The following MAD1L1 variants were observed in gnomAD, a reference collection of about 807,000 sequenced individuals.
MAD1L1 encodes the protein mitotic arrest deficient 1 like 1.
MAD1L1 carries 95 observed loss-of-function variants against 96.9 expected under a neutral mutation model. The observed-to-expected ratio is 0.98, with a 90% confidence interval of 0.83 to 1.16. The LOEUF is 1.16. Among genes scored for constraint, MAD1L1 ranks in the 50% most tolerant of loss-of-function variants. The pLI is 0.00. For missense variants in MAD1L1, 1,007 were observed against 954.4 expected (o/e 1.06, Z -0.73); for synonymous variants, 473 against 396.6 (o/e 1.19, Z -2.29).
intron 13 of MAD1L1, among the ~76,000 whole-genome samples, chr7:2,009,112 G>A (rs558168383): frequency 6.6e-6 from 1 of 152,332 alleles, no homozygotes; most frequent in Non-Finnish European, 1.5e-5. Flanking sequence ...TTTCCGGGTG[G>A]GACCACGTGT....
intron 11 of MAD1L1, among the ~76,000 whole-genome samples, chr7:2,071,934 C>T (rs1234899847): frequency 1.3e-5 from 2 of 152,246 alleles, no homozygotes; most frequent in South Asian, 2.1e-4. Context: ...CTGCACCCTT[C>T]CCCCACATCT....
intron 11 of MAD1L1, among the ~76,000 whole-genome samples, chr7:2,118,035 A>G (rs776432735): frequency 6.6e-5 from 10 of 152,186 alleles, no homozygotes; most frequent in African/African-American, 1.2e-4. Context: ...GCAGGACAGG[A>G]GAGGATCAGG....
intron 13 of MAD1L1, among the ~76,000 whole-genome samples, chr7:2,003,843 C>T (rs1781911959): frequency 6.6e-6 from 1 of 152,200 alleles, no homozygotes; most frequent in Non-Finnish European, 1.5e-5. Flanking sequence ...AAGCTTGGTG[C>T]CTCGAGGCCT....
intron 11 of MAD1L1, among the ~76,000 whole-genome samples, chr7:2,077,913 C>T (rs1785455494): frequency 6.6e-6 from 1 of 152,234 alleles, no homozygotes; most frequent in Non-Finnish European, 1.5e-5. Flanking sequence ...TCGCAGCAGC[C>T]TGGATCTAGA....
At chr7:2,130,625 T>C (rs1388090184) in intron 11 of MAD1L1, among the ~76,000 whole-genome samples, 1 of 146,852 alleles carries the variant, frequency 6.8e-6, no homozygotes, top group Non-Finnish European at 1.5e-5. Context: ...TCTCAGTTTA[T>C]TATGCCAGGG....
chr7:2,166,546 G>A (rs775306507), intron 10 of MAD1L1, among the ~76,000 whole-genome samples: 9 of 152,194 alleles, frequency 5.9e-5, no homozygotes, highest in Non-Finnish European at 1.2e-4. Context: ...CTCACTCTTT[G>A]GAAAAGCTGA....
intron 11 of MAD1L1, among the ~76,000 whole-genome samples, chr7:2,109,915 C>T (rs7809796): frequency 0.027 from 4,069 of 152,312 alleles, 92 homozygotes; most frequent in Middle Eastern, 0.11. Context: ...TGAGAGTTGG[C>T]GACAATATCC....
chr7:1,929,718 G>GCCCCGTCC (rs201388728), intron 17 of MAD1L1, among the ~76,000 whole-genome samples: 1 of 97,612 alleles, frequency 1.0e-5, no homozygotes, highest in Admixed American at 1.1e-4. Flanking sequence ...ACGTCCCCTC[G>GCCCCGTCC]CCCATCCCCC....
At chr7:1,899,775 C>T (rs953206477) in intron 17 of MAD1L1, among the ~76,000 whole-genome samples, 33 of 152,170 alleles carry the variant, frequency 2.2e-4, no homozygotes, top group African/African-American at 8.0e-4. Context: ...AGTTTGTGCA[C>T]AGCGGCCCGA....
intron 18 of MAD1L1, among the ~76,000 whole-genome samples, chr7:1,851,936 GGT>G (rs1783999963): frequency 6.6e-6 from 1 of 152,198 alleles, no homozygotes; most frequent in Non-Finnish European, 1.5e-5. Context: ...TGGGACCAAT[GGT>G]GGGAAGAGCT....
intron 11 of MAD1L1, among the ~76,000 whole-genome samples, chr7:2,104,359 A>G (rs1786974106): frequency 6.6e-6 from 1 of 152,262 alleles, no homozygotes; most frequent in South Asian, 2.1e-4. Flanking sequence ...TCCGCGAAGG[A>G]GAGCCGTCAC....
At chr7:1,948,823 G>A (rs963340368) in intron 16 of MAD1L1, among the ~76,000 whole-genome samples, 2 of 152,168 alleles carry the variant, frequency 1.3e-5, no homozygotes, top group African/African-American at 4.8e-5. Flanking sequence ...GGCTCCAGGG[G>A]CTGTGCCTGT....
chr7:2,073,235 G>C (rs1255999041), intron 11 of MAD1L1, among the ~76,000 whole-genome samples: 2 of 152,192 alleles, frequency 1.3e-5, no homozygotes, highest in Admixed American at 1.3e-4. Flanking sequence ...CTAGCTTTTA[G>C]AGTACTGAGA....
chr7:1,994,309 G>A (rs757453153), intron 14 of MAD1L1, among the ~76,000 whole-genome samples: 11 of 152,242 alleles, frequency 7.2e-5, no homozygotes, highest in Non-Finnish European at 1.0e-4. Context: ...GCGTGTCTGC[G>A]ATGCAGGGGC....
Position 1,936,827 on chromosome 7 carries a change from C to G in MAD1L1, c.1667G>C (p.Arg556Pro), listed in dbSNP as rs755012008. 1 of 1,603,680 alleles carries G rather than the reference C, an allele frequency of 6.2e-7. No individual in the cohort carries two copies. Among genetic ancestry groups the G allele is most frequent in the African/African-American group, 1.3e-5 (1 of 74,984 alleles). ...SLNPTSVARQ[R>P]LREDHSQLQA... is the part of the protein sequence containing the mutation. ...CAGCTGGCTGTGGTCCTCGCGCAGG[C>G]GCTGCCTGGCCACACTGGTGGGGTT... The change falls in exon 17 of 19, where the codon CGC (arginine) becomes CCC (proline). Residue 556 changes from arginine (R) to proline (P), a missense_variant. Physicochemically the swap from Arg to Pro is moderately radical, Grantham distance 103 (BLOSUM62 -2). Transcript: ENST00000265854.
At chr7:1,853,979 G>A (rs1201789786) in intron 18 of MAD1L1, among the ~76,000 whole-genome samples, 1 of 152,196 alleles carries the variant, frequency 6.6e-6, no homozygotes, top group Admixed American at 6.5e-5. Flanking sequence ...TCCTGCTGCC[G>A]CCAGCTCCCG....
At chr7:1,885,777 C>T (rs900462026) in intron 18 of MAD1L1, among the ~76,000 whole-genome samples, 3 of 152,198 alleles carry the variant, frequency 2.0e-5, no homozygotes, top group African/African-American at 7.2e-5. Flanking sequence ...AGAGCCTCTC[C>T]CTGTCTCGGC....
chr7:1,888,168 A>ATGCATGTATGTG (rs1562492559), intron 18 of MAD1L1, among the ~76,000 whole-genome samples: 1 of 134,064 alleles, frequency 7.5e-6, no homozygotes, highest in Non-Finnish European at 1.6e-5. Context: ...GCATGTGTGC[A>ATGCATGTATGTG]GCTGCCTGTG....
intron 11 of MAD1L1, among the ~76,000 whole-genome samples, chr7:2,130,525 C>G (rs559573311): frequency 3.3e-5 from 5 of 152,322 alleles, no homozygotes; most frequent in African/African-American, 1.2e-4. Flanking sequence ...CTCTCTCTCT[C>G]TGGGACCCCA....
Sources: allele counts gnomAD v4.1 joint callset (sites outside exome capture counted in the v4.1 genomes callset), GRCh38; gene constraint gnomAD v4.1.1; transcripts MANE v1.5; gene names NCBI Gene and HGNC (gene_info 2026-07-23, HGNC 2026-07-21).